Variants in SP140 observed in about 807,000 individuals in gnomAD.
SP140 encodes the protein nuclear body protein SP140.
A neutral mutation model predicts 125.0 loss-of-function variants in SP140; 81 were observed. That is an observed-to-expected ratio of 0.65 (90% confidence interval 0.54 to 0.78). SP140 has a LOEUF of 0.78. Ranked by LOEUF, SP140 falls within the 30% of genes least tolerant of loss-of-function variation. SP140 has a pLI of 0.00. For missense variants in SP140, 858 were observed against 1,037.0 expected (o/e 0.83, Z 2.37); for synonymous variants, 312 against 354.0 (o/e 0.88, Z 1.33).
rs760007511 is a variant in SP140, at chr2:230,245,846, C to T, written c.665-17C>T. The T allele has an allele frequency of 1.6e-5, 25 of 1,555,262 alleles. No individual in the cohort carries two copies. The South Asian group carries it at 2.4e-4, about 15-fold the overall frequency. On this transcript the variant is annotated splice_polypyrimidine_tract_variant and intron_variant, in intron 6 of 26. Coordinates refer to ENST00000392045, the MANE Select transcript of SP140 (RefSeq NM_007237.5). Reference sequence around the variant, plus strand: ...GTCACTGCCAATTGTCTGTCATGTTCCTCTTTCACTCTGCAGTGTCCTGTA... The same window carrying T: ...GTCACTGCCAATTGTCTGTCATGTTTCTCTTTCACTCTGCAGTGTCCTGTA...
the SP140 span, among the ~76,000 whole-genome samples, chr2:230,188,403 G>T: frequency 1.3e-5 from 2 of 152,038 alleles, no homozygotes; most frequent in Non-Finnish European, 2.9e-5. Flanking sequence ...AGTCTTTAGG[G>T]TTTTCTAGGT....
At chr2:230,280,566 T>C (rs1404614636) in intron 15 of SP140, among the ~76,000 whole-genome samples, 1 of 152,126 alleles carries the variant, frequency 6.6e-6, no homozygotes. Context: ...GTCTCCTTCC[T>C]GCTTTTTAAT....
chr2:230,235,951 A>G (rs1438789606), intron 1 of SP140, among the ~76,000 whole-genome samples: 2 of 133,998 alleles, frequency 1.5e-5, no homozygotes, highest in African/African-American at 5.8e-5. Flanking sequence ...ATCTCAGCTC[A>G]CTGCAAGCTC....
chr2:230,193,519 T>TC, the SP140 span, among the ~76,000 whole-genome samples: 1 of 152,242 alleles, frequency 6.6e-6, no homozygotes, highest in Non-Finnish European at 1.5e-5. Context: ...GAGTTAGAAC[T>TC]CCTTTTGGCA....
Position 230,238,722 on chromosome 2 carries a change from C to A in SP140, c.406+341C>A, listed in dbSNP as rs186735943. 6.5e-5 allele frequency: 93 copies of A among 1,427,486 alleles called. No individual in the cohort carries two copies. The African/African-American group carries it at 1.2e-3, about 19-fold the overall frequency. 88.4% of individuals were successfully genotyped at this position (1,427,486 alleles called of 1,614,324 possible). On this transcript the variant is annotated intron_variant, in intron 3 of 26. Coordinates refer to ENST00000392045, the MANE Select transcript of SP140 (RefSeq NM_007237.5). Reference sequence around the variant, plus strand: ...AGGAGGAAGCCTTCTCTGATATTTGCAGATATGTTCAAAGATAAAACAATT... The same window carrying A: ...AGGAGGAAGCCTTCTCTGATATTTGAAGATATGTTCAAAGATAAAACAATT...
upstream of SP140, among the ~76,000 whole-genome samples, chr2:230,222,671 C>T (rs1460744337): frequency 6.7e-6 from 1 of 149,956 alleles, no homozygotes; most frequent in East Asian, 1.9e-4. Context: ...CTCTGGTGAG[C>T]AGTGACAGAG....
intron 1 of SP140, among the ~76,000 whole-genome samples, chr2:230,236,488 A>C (rs1490203909): frequency 6.6e-6 from 1 of 152,242 alleles, no homozygotes; most frequent in African/African-American, 2.4e-5. Context: ...AAGGCTGGCA[A>C]GTCCAAAATC....
intron 4 of SP140, 76 bp from the exon 5 acceptor site, chr2:230,243,655 C>G (rs1295773637): frequency 8.4e-7 from 1 of 1,194,182 alleles, no homozygotes; most frequent in African/African-American, 1.5e-5. Context: ...TTAGTTTTCT[C>G]ATTATTTGTT....
At chr2:230,227,688 T>C (rs2149028326) in intron 1 of SP140, among the ~76,000 whole-genome samples, 1 of 152,332 alleles carries the variant, frequency 6.6e-6, no homozygotes, top group East Asian at 1.9e-4. Context: ...GTTCATTTCA[T>C]CTGTGACCAA....
intron 22 of SP140, among the ~76,000 whole-genome samples, chr2:230,304,772 A>G (rs750497044): frequency 6.6e-6 from 1 of 152,262 alleles, no homozygotes; most frequent in Non-Finnish European, 1.5e-5. Context: ...GATGGATCAA[A>G]GACTTAAATC....
chr2:230,228,575 T>C (rs2046794090), intron 1 of SP140, among the ~76,000 whole-genome samples: 1 of 152,224 alleles, frequency 6.6e-6, no homozygotes, highest in African/African-American at 2.4e-5. Context: ...ATTAGTTTGT[T>C]AGTTGCATAC....
downstream of SP140, among the ~76,000 whole-genome samples, chr2:230,316,131 T>G (rs2059482133): frequency 6.6e-6 from 1 of 152,224 alleles, no homozygotes; most frequent in African/African-American, 2.4e-5. Flanking sequence ...ATTCGTCCAC[T>G]GGATTGATGA....
intron 1 of SP140, among the ~76,000 whole-genome samples, chr2:230,205,626 G>A (rs2043694445): frequency 6.6e-6 from 1 of 152,044 alleles, no homozygotes; most frequent in African/African-American, 2.4e-5. Flanking sequence ...TCAGCTTTCA[G>A]AATGGGTATA....
intron 1 of SP140, among the ~76,000 whole-genome samples, chr2:230,207,160 T>C (rs2043957685): frequency 6.6e-6 from 1 of 152,154 alleles, no homozygotes; most frequent in African/African-American, 2.4e-5. Flanking sequence ...TTCTTTTCCT[T>C]TCAGGAGGAA....
At position 230,241,312 on chromosome 2, in the gene SP140, T is replaced by C. The variant is rs535162006; in HGVS notation, c.407-92T>C. On this transcript the variant is annotated intron_variant, in intron 3 of 26. Coordinates refer to ENST00000392045, the MANE Select transcript of SP140 (RefSeq NM_007237.5). ...GTTGGACCTCGGGGGTGGGAGATCC[T>C]GGGGCTTGGACATCAAGTTCATCTT... The C allele has an allele frequency of 3.9e-5, 31 of 799,312 alleles. No individual in the cohort carries two copies. In the East Asian group the frequency reaches 4.1e-4, roughly 11 times the overall value. 49.5% of individuals were successfully genotyped at this position (799,312 alleles called of 1,614,324 possible). A position where few individuals can be genotyped will look rare whatever the true frequency, so the allele number is the denominator to read the frequency against.
chr2:230,222,318 T>C (rs929858941), upstream of SP140, among the ~76,000 whole-genome samples: 3 of 152,142 alleles, frequency 2.0e-5, no homozygotes, highest in Admixed American at 1.3e-4. Flanking sequence ...GATTATGTAC[T>C]GAGATAAATT....
In SP140 at chr2:230,245,040, A is replaced by G. The variant is rs773496118; in HGVS notation, c.624A>G (p.Gly208=). ...EQLALPKAGG[G]DAEDAPSLLP... is the part of the protein sequence containing the mutation. ...TAGCTCTCCCAAAGGCTGGTGGAGG[A>G]GATGCTGAAGATGCACCCAGCCTAC... Residue 208 remains glycine, a synonymous_variant, in exon 6 of 27, where the codon GGA becomes GGG. Transcript: ENST00000392045. The G allele has an allele frequency of 3.7e-6, 6 of 1,613,096 alleles. No individual in the cohort carries two copies. The South Asian group carries it at 6.6e-5, about 18-fold the overall frequency.
intron 18 of SP140, 190 bp downstream of exon 18, chr2:230,288,156 T>C (rs2056631313): frequency 1.9e-6 from 1 of 534,304 alleles, no homozygotes; most frequent in African/African-American, 1.9e-5. Context: ...TGGTGATGGA[T>C]CTACAACCAG....
Position 230,309,899 on chromosome 2 carries a change from A to T in SP140, c.2059-25A>T, listed in dbSNP as rs754139424. 7.9e-5 allele frequency: 127 copies of T among 1,611,958 alleles called. 1 individual carries two copies. In the South Asian group the frequency reaches 1.4e-3, roughly 17 times the overall value. On this transcript the variant is annotated intron_variant, in intron 22 of 26. Transcript: ENST00000392045. ...TTCCTGAATCTTGCGGTTCCCAGTG[A>T]CGTGGACACTGTTTTATCTTCTAGA...
Sources: gnomAD v4.1 joint callset for allele counts (sites outside exome capture counted in the v4.1 genomes callset) on GRCh38, gnomAD v4.1.1 for gene constraint, MANE v1.5 for transcripts, NCBI Gene and HGNC (gene_info 2026-07-23, HGNC 2026-07-21) for gene names.